MPP7: variants seen among roughly 807,000 people sequenced by gnomAD.
The protein encoded by MPP7 is MAGUK p55 subfamily member 7.
Under a neutral mutation model 76.5 loss-of-function variants are expected in MPP7, and 60 were observed. That is an observed-to-expected ratio of 0.78 (90% confidence interval 0.64 to 0.97). The LOEUF is 0.97. Among genes scored for constraint, MPP7 ranks in the 50% least tolerant of loss-of-function variants. The probability of loss-of-function intolerance (pLI) is 0.00; values close to 1 mark genes in which losing one functional copy is unlikely to be tolerated. For synonymous variants in MPP7, 237 were observed against 244.5 expected (o/e 0.97, Z 0.29); for missense variants, 641 against 694.0 (o/e 0.92, Z 0.86).
chr10:28,176,804 A>G (rs929149877), intron 3 of MPP7, among the ~76,000 whole-genome samples: 7 of 145,016 alleles, frequency 4.8e-5, no homozygotes, highest in African/African-American at 1.5e-4. Flanking sequence ...ACATGTTCTC[A>G]CTCATAGGTG....
At chr10:28,117,496 C>T (rs190663302) in intron 11 of MPP7, among the ~76,000 whole-genome samples, 1 of 152,064 alleles carries the variant, frequency 6.6e-6, no homozygotes, top group Admixed American at 6.5e-5. Flanking sequence ...TCCTATAATT[C>T]AACAAAGGGC....
At chr10:28,294,963 G>GT (rs1841006008) in intron 1 of MPP7, among the ~76,000 whole-genome samples, 1 of 135,674 alleles carries the variant, frequency 7.4e-6, no homozygotes. Flanking sequence ...CTACACTTAC[G>GT]TTTCCCCCTA....
chr10:28,275,331 T>G lies in MPP7; in HGVS notation c.-132+27530A>C, dbSNP rs569963801. On this transcript the variant is annotated intron_variant, in intron 1 of 16. Transcript: ENST00000683449. ...ACCTAGATGCCCAAGGCAGAAATCT[T>G]AGATGTGCTGTTGAGTCCTATCTCT... 3.3e-5 allele frequency among the ~76,000 whole-genome samples: 5 copies of G among 152,218 alleles called. No homozygotes were observed. The East Asian group carries it at 9.6e-4, about 29-fold the overall frequency.
chr10:28,073,638 C>T (rs1348931318), intron 12 of MPP7, among the ~76,000 whole-genome samples: 11 of 151,942 alleles, frequency 7.2e-5, no homozygotes, highest in African/African-American at 1.9e-4. Context: ...GGCATGGTGG[C>T]GGGTTCCTGT....
chr10:28,102,255 G>A (rs1230758017), intron 11 of MPP7, among the ~76,000 whole-genome samples: 6 of 152,166 alleles, frequency 3.9e-5, no homozygotes, highest in Non-Finnish European at 7.4e-5. Context: ...TGATCCTCTC[G>A]CCTCAGCCTC....
At chr10:28,328,867 C>T (rs1194250222) in intron 2 of MPP7, among the ~76,000 whole-genome samples, 9 of 152,096 alleles carry the variant, frequency 5.9e-5, no homozygotes, top group Admixed American at 5.9e-4. Context: ...CTCACTATAC[C>T]ATTACGATGT....
At chr10:28,098,894 T>A (rs973902689) in intron 11 of MPP7, among the ~76,000 whole-genome samples, 2 of 151,962 alleles carry the variant, frequency 1.3e-5, no homozygotes, top group East Asian at 3.9e-4. Flanking sequence ...GAACCAGAAG[T>A]CTCACCTAAG....
chr10:28,058,387 T>C (rs1851645284), intron 15 of MPP7, 108 bp downstream of exon 15: 5 of 528,534 alleles, frequency 9.5e-6, no homozygotes, highest in East Asian at 3.1e-5. Flanking sequence ...AAGCCACATA[T>C]ATGCCAAAAG....
At chr10:28,055,057 T>C (rs1250346279) in intron 16 of MPP7, among the ~76,000 whole-genome samples, 1 of 152,224 alleles carries the variant, frequency 6.6e-6, no homozygotes, top group Non-Finnish European at 1.5e-5. Flanking sequence ...CCAGGAAGTA[T>C]TTTAGTTGGC....
chr10:28,112,200 T>C (rs560102690), intron 11 of MPP7, among the ~76,000 whole-genome samples: 6 of 152,228 alleles, frequency 3.9e-5, no homozygotes, highest in South Asian at 4.1e-4. Context: ...AAACAAGAAA[T>C]AAACGATATG....
At chr10:28,072,442 T>C (rs1381078365) in intron 12 of MPP7, among the ~76,000 whole-genome samples, 1 of 152,154 alleles carries the variant, frequency 6.6e-6, no homozygotes, top group Admixed American at 6.5e-5. Flanking sequence ...CTTTGTTCTA[T>C]AGAAGGGTCA....
At chr10:28,258,405 T>A (rs931583078) in intron 1 of MPP7, among the ~76,000 whole-genome samples, 82 of 145,578 alleles carry the variant, frequency 5.6e-4, no homozygotes, top group African/African-American at 1.6e-3. Flanking sequence ...TATATATATA[T>A]AAATTTTTTT....
rs374833993 is a variant in MPP7, at chr10:28,212,674, G to A, written c.38-10403C>T. 3.9e-5 allele frequency among the ~76,000 whole-genome samples: 6 copies of A among 152,316 alleles called. No individual in the cohort carries two copies. The East Asian group carries it at 1.2e-3, about 29-fold the overall frequency. ...CCTGAAGTCTCCAAAGTTAGGCGAT[G>A]CAGAAGAGAGGAGGGACCAGCAACC... is the stretch of plus-strand genomic sequence containing the variant. On this transcript the variant is annotated intron_variant, in intron 2 of 16. Transcript: ENST00000683449.
intron 1 of MPP7, among the ~76,000 whole-genome samples, chr10:28,281,757 A>T (rs1028426937): frequency 1.3e-5 from 2 of 152,082 alleles, no homozygotes; most frequent in African/African-American, 2.4e-5. Context: ...TCAGTTAAGA[A>T]AATGGAGGTT....
upstream of MPP7, among the ~76,000 whole-genome samples, chr10:28,303,646 G>C (rs190393057): frequency 6.6e-6 from 1 of 152,274 alleles, no homozygotes; most frequent in East Asian, 1.9e-4. Flanking sequence ...TATTGAACAT[G>C]TACTACATGA....
intron 2 of MPP7, among the ~76,000 whole-genome samples, chr10:28,234,574 A>C (rs1164922725): frequency 2.0e-5 from 3 of 152,196 alleles, no homozygotes; most frequent in African/African-American, 7.2e-5. Context: ...CATTAATGTC[A>C]ACAGTTATAA....
chr10:28,308,279 C>G (rs1410048668), intron 2 of MPP7, among the ~76,000 whole-genome samples: 1 of 152,194 alleles, frequency 6.6e-6, no homozygotes, highest in Non-Finnish European at 1.5e-5. Context: ...AGTGTTCTCT[C>G]TCTCCACCAC....
intron 5 of MPP7, among the ~76,000 whole-genome samples, chr10:28,141,858 C>T (rs1229819995): frequency 2.6e-5 from 4 of 151,840 alleles, no homozygotes; most frequent in African/African-American, 4.8e-5. Flanking sequence ...AGGTATCATG[C>T]TACAATTACT....
intron 2 of MPP7, among the ~76,000 whole-genome samples, chr10:28,325,994 A>ATG (rs1564773333): frequency 3.3e-5 from 5 of 151,772 alleles, no homozygotes; most frequent in Admixed American, 1.3e-4. Context: ...AAAAAAAAAA[A>ATG]AATTCCTTAA....
Sources: allele counts gnomAD v4.1 joint callset (sites outside exome capture counted in the v4.1 genomes callset), GRCh38; gene constraint gnomAD v4.1.1; transcripts MANE v1.5; gene names NCBI Gene and HGNC (gene_info 2026-07-23, HGNC 2026-07-21).